The following NDUFAF2 variants were observed in gnomAD, a reference collection of about 807,000 sequenced individuals.
The protein encoded by NDUFAF2 is NADH dehydrogenase [ubiquinone] 1 alpha subcomplex assembly factor 2.
In NDUFAF2, 13 loss-of-function variants were observed where a neutral mutation model predicts 22.8. The ratio of observed to expected loss-of-function variants is 0.57; its 90% confidence interval spans 0.37 to 0.91. The LOEUF is 0.91. Among genes scored for constraint, NDUFAF2 ranks in the 40% least tolerant of loss-of-function variants. The pLI is 0.01. For synonymous variants in NDUFAF2, 53 were observed against 64.2 expected (o/e 0.83, Z 0.84); for missense variants, 162 against 195.2 (o/e 0.83, Z 1.01).
At chr5:60,972,499 G>A (rs1211000690) in intron 1 of NDUFAF2, among the ~76,000 whole-genome samples, 1 of 152,080 alleles carries the variant, frequency 6.6e-6, no homozygotes, top group East Asian at 1.9e-4. Context: ...CTGTGAAGAG[G>A]TGCCTTCTGC....
Position 61,084,231 on chromosome 5 carries a change from A to T in NDUFAF2, c.217+11017A>T, listed in dbSNP as rs201690393. ...ATTTATTGAGATTATTTTTATGATT[A>T]TTTTTTTTCATTCTGTTAATATGAT... is the stretch of plus-strand genomic sequence containing the variant. On this transcript the variant is annotated intron_variant, in intron 2 of 3. Coordinates refer to ENST00000296597, the MANE Select transcript of NDUFAF2 (RefSeq NM_174889.5). 6.4e-4 allele frequency among the ~76,000 whole-genome samples: 16 copies of T among 24,972 alleles called. 1 individual carries two copies. Among genetic ancestry groups the T allele is most frequent in the Non-Finnish European group, 1.1e-3 (11 of 10,268 alleles). 16.4% of individuals were successfully genotyped at this position (24,972 alleles called of 152,430 possible). A position where few individuals can be genotyped will look rare whatever the true frequency, so the allele number is the denominator to read the frequency against.
intron 2 of NDUFAF2, among the ~76,000 whole-genome samples, chr5:61,074,627 G>A (rs1752343749): frequency 6.6e-6 from 1 of 151,818 alleles, no homozygotes; most frequent in South Asian, 2.1e-4. Context: ...AGTCGTGGTG[G>A]CACAGGCCTG....
intron 1 of NDUFAF2, among the ~76,000 whole-genome samples, chr5:60,958,799 A>T (rs1750649739): frequency 6.6e-6 from 1 of 152,092 alleles, no homozygotes; most frequent in South Asian, 2.1e-4. Flanking sequence ...TATTATGGTA[A>T]ATTGGCCAAA....
At chr5:61,092,338 C>G (rs776072790) in intron 2 of NDUFAF2, among the ~76,000 whole-genome samples, 1 of 151,994 alleles carries the variant, frequency 6.6e-6, no homozygotes, top group African/African-American at 2.4e-5. Flanking sequence ...ATTGATTCTT[C>G]CAGTCCGTGC....
At chr5:61,089,814 T>G (rs999857822) in intron 2 of NDUFAF2, among the ~76,000 whole-genome samples, 10 of 152,074 alleles carry the variant, frequency 6.6e-5, no homozygotes, top group African/African-American at 2.2e-4. Flanking sequence ...TTTTATAAAC[T>G]TATGCAAAAC....
chr5:60,996,666 C>T (rs1226106316), intron 1 of NDUFAF2, among the ~76,000 whole-genome samples: 1 of 152,132 alleles, frequency 6.6e-6, no homozygotes, highest in African/African-American at 2.4e-5. Context: ...GACAAGAGTG[C>T]TACAGGCCTT....
chr5:61,007,354 C>T (rs1430315934), intron 1 of NDUFAF2, among the ~76,000 whole-genome samples: 2 of 152,034 alleles, frequency 1.3e-5, no homozygotes, highest in Non-Finnish European at 2.9e-5. Flanking sequence ...GTTTTCCCAG[C>T]ACCATTTATT....
At chr5:61,011,491 G>A (rs1202911088) in intron 1 of NDUFAF2, among the ~76,000 whole-genome samples, 1 of 152,110 alleles carries the variant, frequency 6.6e-6, no homozygotes, top group Non-Finnish European at 1.5e-5. Context: ...ATCACCTGTT[G>A]TTTAGTGCCA....
chr5:61,150,864 T>C (rs943312277), intron 3 of NDUFAF2, among the ~76,000 whole-genome samples: 1 of 152,182 alleles, frequency 6.6e-6, no homozygotes, highest in Non-Finnish European at 1.5e-5. Context: ...ATTTCCTTTG[T>C]GATACATCAT....
chr5:60,982,465 T>C (rs1041888271), intron 1 of NDUFAF2, among the ~76,000 whole-genome samples: 2 of 152,008 alleles, frequency 1.3e-5, no homozygotes, highest in Non-Finnish European at 2.9e-5. Flanking sequence ...TTGTTACATA[T>C]GTATATATGT....
intron 1 of NDUFAF2, among the ~76,000 whole-genome samples, chr5:61,039,237 G>A (rs946547899): frequency 1.3e-4 from 19 of 150,552 alleles, no homozygotes; most frequent in African/African-American, 2.7e-4. Flanking sequence ...ATTTGTACTC[G>A]CATTATTTAA....
chr5:61,079,084 T>C (rs888754890), intron 2 of NDUFAF2, among the ~76,000 whole-genome samples: 2 of 152,214 alleles, frequency 1.3e-5, no homozygotes, highest in Admixed American at 6.5e-5. Context: ...ACTTATCACA[T>C]ATACTCATTA....
At position 61,098,563 on chromosome 5, in the gene NDUFAF2, A is replaced by G. The variant is rs1752671156; in HGVS notation, c.218-429A>G. 3.3e-5 allele frequency among the ~76,000 whole-genome samples: 5 copies of G among 152,346 alleles called. No homozygotes were observed. The South Asian group carries it at 1.0e-3, about 32-fold the overall frequency. ...ACCTCTGTAAATGAAAAACTTTTCTAAGTCCCTTCCTTTATAAATTGAACA... is the reference window on the plus strand; with the variant it reads ...ACCTCTGTAAATGAAAAACTTTTCTGAGTCCCTTCCTTTATAAATTGAACA... On this transcript the variant is annotated intron_variant, in intron 2 of 3. Transcript: ENST00000296597.
At chr5:61,020,272 C>G (rs1751561526) in intron 1 of NDUFAF2, among the ~76,000 whole-genome samples, 1 of 151,876 alleles carries the variant, frequency 6.6e-6, no homozygotes, top group African/African-American at 2.4e-5. Context: ...CCTCTTTTAT[C>G]TCATATATTC....
At chr5:61,141,863 T>C (rs1741064849) in intron 3 of NDUFAF2, among the ~76,000 whole-genome samples, 1 of 152,160 alleles carries the variant, frequency 6.6e-6, no homozygotes, top group Non-Finnish European at 1.5e-5. Context: ...CCAACTCTTC[T>C]TCCCTCTCTC....
At chr5:61,094,673 T>A (rs1390831335) in intron 2 of NDUFAF2, among the ~76,000 whole-genome samples, 2 of 152,164 alleles carry the variant, frequency 1.3e-5, no homozygotes. Flanking sequence ...GGTTTTTATT[T>A]TTTAGTTTGT....
intron 2 of NDUFAF2, among the ~76,000 whole-genome samples, chr5:61,077,274 C>T (rs1752381428): frequency 6.6e-6 from 1 of 151,910 alleles, no homozygotes; most frequent in Non-Finnish European, 1.5e-5. Flanking sequence ...TTAGGCTGCT[C>T]CAAAGTTTAG....
intron 3 of NDUFAF2, among the ~76,000 whole-genome samples, chr5:61,101,173 C>A (rs904841618): frequency 1.3e-5 from 2 of 151,796 alleles, no homozygotes; most frequent in Admixed American, 6.6e-5. Flanking sequence ...TAAACCGTAA[C>A]AAAAAAATAG....
At chr5:61,049,080 A>G (rs1751991260) in intron 1 of NDUFAF2, among the ~76,000 whole-genome samples, 1 of 152,126 alleles carries the variant, frequency 6.6e-6, no homozygotes, top group Admixed American at 6.6e-5. Flanking sequence ...TGTTCTTTTT[A>G]TATATATAGA....
Sources: allele counts gnomAD v4.1 joint callset (sites outside exome capture counted in the v4.1 genomes callset), GRCh38; gene constraint gnomAD v4.1.1; transcripts MANE v1.5; gene names NCBI Gene and HGNC (gene_info 2026-07-23, HGNC 2026-07-21).